The following CALD1 variants were observed in gnomAD, a reference collection of about 807,000 sequenced individuals.
CALD1 encodes the protein caldesmon 1, also known as caldesmon.
CALD1 carries 33 observed loss-of-function variants against 99.9 expected under a neutral mutation model. That is an observed-to-expected ratio of 0.33 (90% CI 0.25 to 0.44). The LOEUF is 0.44. Among genes scored for constraint, CALD1 ranks in the 20% least tolerant of loss-of-function variants. The probability of loss-of-function intolerance (pLI) is 1.00; values close to 1 mark genes in which losing one functional copy is unlikely to be tolerated. For synonymous variants in CALD1, 310 were observed against 325.0 expected (o/e 0.95, Z 0.50); for missense variants, 861 against 962.1 (o/e 0.89, Z 1.39).
At chr7:134,962,779 C>T (rs1808376119) in intron 13 of CALD1, 1 of 451,594 alleles carries the variant, frequency 2.2e-6, no homozygotes, top group African/African-American at 2.0e-5. Context: ...ATTTGTCTTT[C>T]TTTTTGTTTA....
chr7:134,816,210 T>C (rs553206336), intron 1 of CALD1, among the ~76,000 whole-genome samples: 1 of 152,332 alleles, frequency 6.6e-6, no homozygotes, highest in East Asian at 1.9e-4. Flanking sequence ...AGCTAAATTT[T>C]ATGTCAAATT....
chr7:134,728,184 C>T, the CALD1 span, among the ~76,000 whole-genome samples: 1 of 42,398 alleles, frequency 2.4e-5, no homozygotes, highest in African/African-American at 9.6e-5. Flanking sequence ...CCTGACCAAC[C>T]TGCTTCCTGG....
chr7:134,944,704 T>G (rs1310317464), intron 7 of CALD1, among the ~76,000 whole-genome samples: 1 of 152,218 alleles, frequency 6.6e-6, no homozygotes, highest in East Asian at 1.9e-4. Flanking sequence ...AGGAATAGGA[T>G]ATCTACGTTG....
chr7:134,778,838 C>T (rs1796990057), upstream of CALD1, among the ~76,000 whole-genome samples: 1 of 152,138 alleles, frequency 6.6e-6, no homozygotes, highest in African/African-American at 2.4e-5. Context: ...CTCCACATCA[C>T]CAAATCTGAG....
intron 13 of CALD1, among the ~76,000 whole-genome samples, chr7:134,964,434 T>A (rs1808515870): frequency 6.6e-6 from 1 of 152,096 alleles, no homozygotes; most frequent in African/African-American, 2.4e-5. Flanking sequence ...TACTTCAGAG[T>A]TACCCAAGCT....
chr7:134,962,536 A>T, intron 13 of CALD1: 1 of 259,646 alleles, frequency 3.9e-6, no homozygotes, highest in Non-Finnish European at 7.7e-6. Context: ...TTCCCATTAG[A>T]TTTTGTAGAC....
intron 3 of CALD1, among the ~76,000 whole-genome samples, chr7:134,918,252 C>A (rs2132775165): frequency 6.6e-6 from 1 of 152,182 alleles, no homozygotes; most frequent in African/African-American, 2.4e-5. Context: ...ATATCACAAA[C>A]CATTTCTGGA....
chr7:134,822,809 T>A (rs1222986551), intron 1 of CALD1, among the ~76,000 whole-genome samples: 1 of 152,230 alleles, frequency 6.6e-6, no homozygotes, highest in East Asian at 1.9e-4. Flanking sequence ...CTATTATATT[T>A]CTACACTCTA....
the CALD1 span, among the ~76,000 whole-genome samples, chr7:134,727,077 G>C: frequency 1.7e-3 from 254 of 152,356 alleles, 1 homozygote; most frequent in Non-Finnish European, 3.1e-3. Flanking sequence ...CTGCAAGGGA[G>C]ACTGGGAAAT....
chr7:134,836,679 T>C (rs1799454616), intron 1 of CALD1, among the ~76,000 whole-genome samples: 1 of 152,212 alleles, frequency 6.6e-6, no homozygotes, highest in Non-Finnish European at 1.5e-5. Context: ...TATCAAACAC[T>C]GACGTCAGCT....
intron 1 of CALD1, among the ~76,000 whole-genome samples, chr7:134,751,129 T>C (rs1288229757): frequency 6.6e-6 from 1 of 152,234 alleles, no homozygotes; most frequent in East Asian, 1.9e-4. Context: ...CCTGCTTTTC[T>C]ACCTACCACC....
At chr7:134,745,309 T>G (rs1046957549) in intron 1 of CALD1, among the ~76,000 whole-genome samples, 3 of 152,218 alleles carry the variant, frequency 2.0e-5, no homozygotes, top group Non-Finnish European at 4.4e-5. Context: ...GTTTAATGGT[T>G]TAAGCAAATA....
chr7:134,958,816 G>A lies in CALD1; in HGVS notation c.2061+526G>A, dbSNP rs564113304. On this transcript the variant is annotated intron_variant, in intron 11 of 14. Transcript: ENST00000361675. Reference sequence around the variant, plus strand: ...AAATAAATTATTTTCTACTTTCAGCGTGAATATTGTTTAATGAAAAGGTTT... The same window carrying A: ...AAATAAATTATTTTCTACTTTCAGCATGAATATTGTTTAATGAAAAGGTTT... 9.9e-4 allele frequency among the ~76,000 whole-genome samples: 147 copies of A among 149,128 alleles called. 1 individual carries two copies. Among genetic ancestry groups the A allele is most frequent in the Admixed American group, 4.0e-3 (60 of 14,876 alleles).
intron 1 of CALD1, among the ~76,000 whole-genome samples, chr7:134,830,768 A>AT (rs952465747): frequency 2.6e-5 from 4 of 151,980 alleles, no homozygotes; most frequent in Non-Finnish European, 5.9e-5. Context: ...AAGGCAATAT[A>AT]TTTTTTTTGG....
chr7:134,920,355 T>C (rs4728341), intron 3 of CALD1: 91,582 of 195,174 alleles, frequency 0.47, 22,149 homozygotes, highest in East Asian at 0.87. Context: ...AGCATGTTTC[T>C]AACCTACATG....
chr7:134,912,001 T>C (rs890183971), intron 3 of CALD1, among the ~76,000 whole-genome samples: 14 of 151,950 alleles, frequency 9.2e-5, no homozygotes, highest in Admixed American at 7.9e-4. Context: ...GAGCTGACAT[T>C]GATGGACAGA....
chr7:134,823,485 GT>G (rs1465911585), intron 1 of CALD1, among the ~76,000 whole-genome samples: 1 of 152,146 alleles, frequency 6.6e-6, no homozygotes, highest in East Asian at 1.9e-4. Flanking sequence ...TTCAGCCTTT[GT>G]GTGTTCTTTT....
At chr7:134,944,107 A>T (rs1473184406) in intron 7 of CALD1, among the ~76,000 whole-genome samples, 1 of 152,158 alleles carries the variant, frequency 6.6e-6, no homozygotes, top group Non-Finnish European at 1.5e-5. Flanking sequence ...AAAGACCCTA[A>T]ATTGACTGAG....
At chr7:134,906,196 C>G (rs1385506641) in intron 3 of CALD1, among the ~76,000 whole-genome samples, 1 of 152,114 alleles carries the variant, frequency 6.6e-6, no homozygotes, top group Admixed American at 6.5e-5. Context: ...TCCCAAAGTG[C>G]TGGGATTACA....
Sources: gnomAD v4.1 joint callset for allele counts (sites outside exome capture counted in the v4.1 genomes callset) on GRCh38, gnomAD v4.1.1 for gene constraint, MANE v1.5 for transcripts, NCBI Gene and HGNC (gene_info 2026-07-23, HGNC 2026-07-21) for gene names.